LRRN2: variants seen among roughly 807,000 people sequenced by gnomAD.
LRRN2 encodes leucine rich repeat neuronal 2.
A neutral mutation model predicts 35.7 loss-of-function variants in LRRN2; 10 were observed. The ratio of observed to expected loss-of-function variants is 0.28; its 90% CI spans 0.17 to 0.47. The LOEUF is 0.47. Among genes scored for constraint, LRRN2 ranks in the 20% least tolerant of loss-of-function variants. The probability of loss-of-function intolerance (pLI) is 0.99; values close to 1 mark genes in which losing one functional copy is unlikely to be tolerated. For synonymous variants in LRRN2, 391 were observed against 409.6 expected (o/e 0.95, Z 0.55); for missense variants, 731 against 940.3 (o/e 0.78, Z 2.91).
At chr1:204,629,132 G>C (rs536141793) in intron 1 of LRRN2, 1 of 152,682 alleles carries the variant, frequency 6.5e-6, no homozygotes, top group Admixed American at 6.5e-5. Flanking sequence ...CTGGGACAGA[G>C]GCAAGGGCGG....
In LRRN2 at chr1:204,653,422, C is replaced by G. The variant is rs558036335; in HGVS notation, c.-227+31898G>C. ...TTTCTGGGCCAGGACGGCTGCTTCT[C>G]CCTTGCCAAATAATGATAGGCTGAC... is the stretch of plus-strand genomic sequence containing the variant. On this transcript the variant is annotated intron_variant, in intron 1 of 1. Coordinates refer to ENST00000367177, the MANE Select transcript of LRRN2 (RefSeq NM_201630.2). Among the ~76,000 whole-genome samples, 44 of 152,340 alleles carry G rather than the reference C, an allele frequency of 2.9e-4. 1 individual carries two copies. The highest frequency in any genetic ancestry group is 1.0e-3 in the African/African-American group (42 of 41,574).
At chr1:204,661,874 C>G (rs1668480070) in intron 1 of LRRN2, among the ~76,000 whole-genome samples, 1 of 152,198 alleles carries the variant, frequency 6.6e-6, no homozygotes, top group Non-Finnish European at 1.5e-5. Context: ...GGATGAGAAT[C>G]TCTCTGAGCA....
At chr1:204,678,706 C>A (rs55768653) in intron 1 of LRRN2, among the ~76,000 whole-genome samples, 2 of 152,130 alleles carry the variant, frequency 1.3e-5, no homozygotes, top group African/African-American at 4.8e-5. Context: ...GCCCAGCTTG[C>A]CCCGACTGTG....
chr1:204,623,188 T>C (rs1173189956), intron 1 of LRRN2, among the ~76,000 whole-genome samples: 1 of 152,164 alleles, frequency 6.6e-6, no homozygotes, highest in Non-Finnish European at 1.5e-5. Context: ...GGTCTTCAGC[T>C]GGGCCCCAGC....
At chr1:204,653,836 TG>T (rs754997349) in intron 1 of LRRN2, among the ~76,000 whole-genome samples, 31 of 142,564 alleles carry the variant, frequency 2.2e-4, no homozygotes, top group Non-Finnish European at 4.2e-4. Context: ...CACTCCAGCC[TG>T]GGCAACAGAG....
Position 204,617,743 on chromosome 1 carries a change from G to A in LRRN2, c.*108C>T. 2 of 1,245,294 alleles carry A rather than the reference G, an allele frequency of 1.6e-6. No homozygotes were observed. Among genetic ancestry groups the A allele is most frequent in the South Asian group, 2.7e-5 (2 of 74,392 alleles). The allele number at this position is 1,245,294 out of a possible 1,614,324, so 77.1% of individuals were successfully genotyped here. A position where few individuals can be genotyped will look rare whatever the true frequency, so the allele number is the denominator to read the frequency against. ...TCTTGGCCCAGCTGCCAGGCCTCAA[G>A]CACGTGGGTCCATGTCCCTTTCCTG... On this transcript the variant is annotated 3_prime_UTR_variant, in exon 2 of 2. Coordinates refer to ENST00000367177, the MANE Select transcript of LRRN2 (RefSeq NM_201630.2).
At chr1:204,660,752 T>A (rs1458632881) in intron 1 of LRRN2, among the ~76,000 whole-genome samples, 1 of 152,244 alleles carries the variant, frequency 6.6e-6, no homozygotes, top group Non-Finnish European at 1.5e-5. Flanking sequence ...TCAGGATTGA[T>A]ACCTCCTGAT....
chr1:204,631,940 C>A (rs1667715518), intron 1 of LRRN2, among the ~76,000 whole-genome samples: 1 of 152,166 alleles, frequency 6.6e-6, no homozygotes, highest in South Asian at 2.1e-4. Context: ...AAGGCAGTAA[C>A]CAGCTGGGAG....
chr1:204,636,156 C>T (rs1667827887), intron 1 of LRRN2, among the ~76,000 whole-genome samples: 1 of 152,188 alleles, frequency 6.6e-6, no homozygotes, highest in African/African-American at 2.4e-5. Flanking sequence ...TGTCACAATC[C>T]TGGTCATCAT....
chr1:204,632,061 A>AAAACAAAC (rs564415281), intron 1 of LRRN2, among the ~76,000 whole-genome samples: 1 of 152,088 alleles, frequency 6.6e-6, no homozygotes, highest in Non-Finnish European at 1.5e-5. Context: ...TCTCTACCAA[A>AAAACAAAC]AAACAAACAA....
intron 1 of LRRN2, among the ~76,000 whole-genome samples, chr1:204,681,860 G>A (rs541570684): frequency 3.9e-5 from 6 of 152,040 alleles, no homozygotes; most frequent in African/African-American, 1.2e-4. Flanking sequence ...TCTTGTCTTC[G>A]GTTTTGTTTT....
intron 1 of LRRN2, among the ~76,000 whole-genome samples, chr1:204,653,401 T>C (rs1668276681): frequency 6.6e-6 from 1 of 152,234 alleles, no homozygotes; most frequent in Non-Finnish European, 1.5e-5. Context: ...CTCTGATTTC[T>C]GGGCCAGGAC....
chr1:204,625,638 C>T (rs996808880), intron 1 of LRRN2, among the ~76,000 whole-genome samples: 2 of 152,160 alleles, frequency 1.3e-5, no homozygotes, highest in Non-Finnish European at 2.9e-5. Context: ...CTGGAGCTAA[C>T]CACGGTCCCG....
chr1:204,633,990 G>C (rs1667771280), intron 1 of LRRN2, among the ~76,000 whole-genome samples: 1 of 152,208 alleles, frequency 6.6e-6, no homozygotes, highest in Non-Finnish European at 1.5e-5. Context: ...GCGGCTCCCA[G>C]AGCCCCCAAG....
chr1:204,623,413 C>T (rs577529434), intron 1 of LRRN2, among the ~76,000 whole-genome samples: 19 of 152,334 alleles, frequency 1.2e-4, no homozygotes, highest in Middle Eastern at 3.4e-3. Context: ...AGGCAGAGGT[C>T]GTGGCTCCTG....
At chr1:204,662,468 G>A (rs539984456) in intron 1 of LRRN2, among the ~76,000 whole-genome samples, 10 of 152,242 alleles carry the variant, frequency 6.6e-5, no homozygotes, top group South Asian at 6.2e-4. Flanking sequence ...ACTTGTCCAA[G>A]GCCACAACTC....
At chr1:204,661,508 T>G (rs1339267632) in intron 1 of LRRN2, among the ~76,000 whole-genome samples, 1 of 152,222 alleles carries the variant, frequency 6.6e-6, no homozygotes, top group Admixed American at 6.5e-5. Flanking sequence ...TTATCTACAA[T>G]GCAGATTTCT....
chr1:204,670,627 T>C (rs1668688487), intron 1 of LRRN2, among the ~76,000 whole-genome samples: 1 of 151,942 alleles, frequency 6.6e-6, no homozygotes, highest in South Asian at 2.1e-4. Context: ...AACACCAACA[T>C]TTAAAGATCA....
At chr1:204,640,591 C>CTCTTT in intron 1 of LRRN2, among the ~76,000 whole-genome samples, 2 of 152,254 alleles carry the variant, frequency 1.3e-5, no homozygotes, top group East Asian at 3.9e-4. Flanking sequence ...CCTTCCCCAC[C>CTCTTT]TCTTTTCTTG....
Sources: allele counts gnomAD v4.1 joint callset (sites outside exome capture counted in the v4.1 genomes callset), GRCh38; gene constraint gnomAD v4.1.1; transcripts MANE v1.5; gene names NCBI Gene and HGNC (gene_info 2026-07-23, HGNC 2026-07-21).